Variants in TNIP1 observed in about 807,000 individuals in gnomAD.
TNIP1 encodes TNFAIP3-interacting protein 1.
A neutral mutation model predicts 86.6 loss-of-function variants in TNIP1; 22 were observed. That is an observed-to-expected ratio of 0.25 (90% confidence interval 0.18 to 0.36). TNIP1 has a LOEUF of 0.36. Ranked by LOEUF, TNIP1 falls within the 10% of genes least tolerant of loss-of-function variation. The pLI, the probability that TNIP1 is intolerant of heterozygous loss-of-function variation, is 1.00. For synonymous variants in TNIP1, 294 were observed against 313.0 expected, an observed-to-expected ratio of 0.94 and a Z score of 0.64; for missense variants, 709 against 820.6, an observed-to-expected ratio of 0.86 and a Z score of 1.66.
intron 8 of TNIP1, among the ~76,000 whole-genome samples, chr5:151,047,394 A>G (rs1759314047): frequency 6.6e-6 from 1 of 152,256 alleles, no homozygotes; most frequent in South Asian, 2.1e-4. Context: ...GGTCATGAAA[A>G]GCAAGGAACA....
chr5:151,057,634 T>C (rs1262723483), intron 5 of TNIP1, among the ~76,000 whole-genome samples: 1 of 152,054 alleles, frequency 6.6e-6, no homozygotes, highest in African/African-American at 2.4e-5. Flanking sequence ...GGAGAACTAT[T>C]TGAACCAGGG....
Position 151,060,322 on chromosome 5 carries a change from G to A in TNIP1, c.431C>T (p.Ala144Val), listed in dbSNP as rs754222974. The A allele has an allele frequency of 1.3e-5, 21 of 1,613,898 alleles. No homozygotes were observed. Among genetic ancestry groups the A allele is most frequent in the Middle Eastern group, 1.6e-4 (1 of 6,080 alleles). Residue 144 changes from alanine (A) to valine (V), a missense_variant, in exon 5 of 18, where the codon GCG becomes GTG. Ala to Val is a moderately conservative substitution (Grantham distance 64). Coordinates refer to ENST00000521591, the MANE Select transcript of TNIP1 (RefSeq NM_006058.5). ...GGGTCCTGCCCGTCCACTCACCATC[G>A]CATTGGCATGGCTGCTGCTCTCTGG... ...NSPESSSHAN[A>V]MALGPLPRED... is the part of the protein sequence containing the mutation.
chr5:151,035,555 G>A (rs367916234), intron 14 of TNIP1, 27 bp downstream of exon 14: 2 of 1,613,972 alleles, frequency 1.2e-6, no homozygotes, highest in Non-Finnish European at 1.7e-6. Context: ...CAGGCCAGTT[G>A]CCCTTCCTGG....
intron 12 of TNIP1, chr5:151,037,429 C>G (rs1275057791): frequency 1.3e-5 from 2 of 152,366 alleles, no homozygotes; most frequent in Admixed American, 1.3e-4. Context: ...TTTCAGCAAC[C>G]CATTCCCATC....
Position 151,053,101 on chromosome 5 carries a change from CTTTTT to C in TNIP1, c.628-847_628-843del, listed in dbSNP as rs11390788. Among the ~76,000 whole-genome samples the C allele has an allele frequency of 1.1e-4, 9 of 85,226 alleles. No homozygotes were observed. The South Asian group carries it at 2.7e-3, about 26-fold the overall frequency. The allele number at this position is 85,226 out of a possible 152,430, so 55.9% of individuals were successfully genotyped here. ...CTACAAAAGAAAGACAACTGTTTCT[CTTTTT>C]TTTTTTTTTTTTTTTTTTTTTAAGA... On this transcript the variant is annotated intron_variant, in intron 6 of 17. Coordinates refer to ENST00000521591, the MANE Select transcript of TNIP1 (RefSeq NM_006058.5).
intron 6 of TNIP1, among the ~76,000 whole-genome samples, chr5:151,054,711 T>G (rs1008817075): frequency 6.6e-6 from 1 of 152,118 alleles, no homozygotes; most frequent in African/African-American, 2.4e-5. Context: ...AATCAAAAAA[T>G]TATTGTTATG....
At chr5:151,075,739 T>A (rs1241716078) in intron 1 of TNIP1, among the ~76,000 whole-genome samples, 1 of 152,240 alleles carries the variant, frequency 6.6e-6, no homozygotes, top group Admixed American at 6.5e-5. Flanking sequence ...AGTCTGCTGC[T>A]GAAGCTGACT....
chr5:151,073,403 T>C (rs1175724587), intron 1 of TNIP1, among the ~76,000 whole-genome samples: 1 of 152,122 alleles, frequency 6.6e-6, no homozygotes, highest in Non-Finnish European at 1.5e-5. Context: ...TTGCTATTCT[T>C]GAATGTCCAT....
intron 4 of TNIP1, 108 bp downstream of exon 4, chr5:151,062,019 G>A (rs1761632354): frequency 9.9e-7 from 1 of 1,013,582 alleles, no homozygotes; most frequent in Non-Finnish European, 1.5e-6. Flanking sequence ...CAGCGAGACG[G>A]AACACAGTTT....
chr5:151,044,834 G>A (rs1187250234), intron 9 of TNIP1, among the ~76,000 whole-genome samples: 3 of 152,192 alleles, frequency 2.0e-5, no homozygotes, highest in African/African-American at 7.2e-5. Context: ...GCAGCACAGG[G>A]ACTCTGCTGC....
rs572888946 is a variant in TNIP1 at position 151,062,038 on chromosome 5, C to G, written c.357+89G>C. 4.0e-6 allele frequency: 5 copies of G among 1,253,846 alleles called. No homozygotes were observed. The East Asian group carries it at 1.2e-4, about 31-fold the overall frequency. The allele number at this position is 1,253,846 out of a possible 1,614,324, so 77.7% of individuals were successfully genotyped here. A position where few individuals can be genotyped will look rare whatever the true frequency, so the allele number is the denominator to read the frequency against. ...GAGACGGAACACAGTTTCTTGACCT[C>G]AACCCTCTTTCTTCATGTTCTTGTA... is the stretch of plus-strand genomic sequence containing the variant. On this transcript the variant is annotated intron_variant, in intron 4 of 17. Transcript: ENST00000521591.
rs115567859 is a variant in TNIP1 at position 151,070,876 on chromosome 5, G to T, written c.-36-5745C>A. On this transcript the variant is annotated intron_variant, in intron 1 of 17. Transcript: ENST00000521591. The stretch of plus-strand genomic sequence containing the variant: ...GGTGGACACCTGCCATTCCACATTT[G>T]TCCAAACCCATAGAACATACACCAC... 7.5e-3 allele frequency among the ~76,000 whole-genome samples: 1,146 copies of T among 152,052 alleles called. 11 individuals are homozygous for T. Among genetic ancestry groups the T allele is most frequent in the African/African-American group, 0.026 (1,073 of 41,456 alleles).
chr5:151,055,312 G>A (rs981451796), intron 6 of TNIP1, among the ~76,000 whole-genome samples: 3 of 152,070 alleles, frequency 2.0e-5, no homozygotes. Context: ...AACAAGGAGG[G>A]GACTGAAATA....
chr5:151,068,485 G>A lies in TNIP1; in HGVS notation c.-36-3354C>T, dbSNP rs1057333248. Among the ~76,000 whole-genome samples, 5 of 152,180 alleles carry A rather than the reference G, an allele frequency of 3.3e-5. No individual in the cohort carries two copies. The East Asian group carries it at 5.8e-4, about 18-fold the overall frequency. ...ATGAGGGGCTGCATTCGAACATGACGATGGCATGCACTCCCCTCTGCTGTC... is the reference window on the plus strand; with the variant it reads ...ATGAGGGGCTGCATTCGAACATGACAATGGCATGCACTCCCCTCTGCTGTC... On this transcript the variant is annotated intron_variant, in intron 1 of 17. Transcript: ENST00000521591.
chr5:151,060,513 G>A (rs1761421766), intron 4 of TNIP1, 118 bp from the exon 5 acceptor site: 1 of 817,520 alleles, frequency 1.2e-6, no homozygotes. Flanking sequence ...AGTACACAGG[G>A]ACCGTTACAT....
chr5:151,056,536 T>C (rs1760678437), intron 6 of TNIP1, among the ~76,000 whole-genome samples: 1 of 152,152 alleles, frequency 6.6e-6, no homozygotes, highest in Non-Finnish European at 1.5e-5. Flanking sequence ...TCCCCAACCA[T>C]GACACTCGCA....
intron 12 of TNIP1, chr5:151,037,372 G>A (rs1757843420): frequency 6.5e-6 from 1 of 152,762 alleles, no homozygotes; most frequent in Non-Finnish European, 1.5e-5. Flanking sequence ...GTCCTCCGGG[G>A]GAAGCTTCAG....
At chr5:151,053,102 T>TTTTTTTGTTTCTC (rs1760177652) in intron 6 of TNIP1, among the ~76,000 whole-genome samples, 1 of 1,706 alleles carries the variant, frequency 5.9e-4, no homozygotes, top group Non-Finnish European at 3.9e-3. Context: ...ACTGTTTCTC[T>TTTTTTTGTTTCTC]TTTTTTTTTT....
chr5:151,035,916 C>A (rs7727034), intron 13 of TNIP1, among the ~76,000 whole-genome samples: 1 of 152,146 alleles, frequency 6.6e-6, no homozygotes, highest in African/African-American at 2.4e-5. Flanking sequence ...GGGCTTCAAG[C>A]TAGGACTTTA....
Sources: gnomAD v4.1 joint callset for allele counts (sites outside exome capture counted in the v4.1 genomes callset) on GRCh38, gnomAD v4.1.1 for gene constraint, MANE v1.5 for transcripts, NCBI Gene and HGNC (gene_info 2026-07-23, HGNC 2026-07-21) for gene names.